Variants in LGSN observed in about 807,000 individuals in gnomAD.
LGSN encodes lengsin, lens protein with glutamine synthetase domain, also known as lengsin.
Under a neutral mutation model 19.5 loss-of-function variants are expected in LGSN, and 21 were observed. That is an observed-to-expected ratio of 1.07 (90% CI 0.76 to 1.55). LGSN has a LOEUF of 1.55. LGSN is among the 40% of genes most tolerant of loss of function. The pLI is 0.00. For synonymous variants in LGSN, 257 were observed against 215.6 expected, an observed-to-expected ratio of 1.19 and a Z score of -1.68; for missense variants, 673 against 608.5, an observed-to-expected ratio of 1.11 and a Z score of -1.12.
the LGSN span, among the ~76,000 whole-genome samples, chr6:63,426,469 C>G: frequency 6.6e-6 from 1 of 151,874 alleles, no homozygotes; most frequent in South Asian, 2.1e-4. Context: ...CTGAGTGTAA[C>G]CCAGGTAACT....
At chr6:63,389,939 C>CAA in the LGSN span, among the ~76,000 whole-genome samples, 3 of 148,830 alleles carry the variant, frequency 2.0e-5, no homozygotes, top group Non-Finnish European at 4.5e-5. Context: ...CCATCCCCCA[C>CAA]AAAAAAAAAT....
chr6:63,336,648 T>C, the LGSN span, among the ~76,000 whole-genome samples: 5 of 151,172 alleles, frequency 3.3e-5, no homozygotes, highest in Admixed American at 6.6e-5. Flanking sequence ...TTTTTTGAAA[T>C]GGACTCTCGT....
At chr6:63,555,894 A>G in the LGSN span, among the ~76,000 whole-genome samples, 2 of 152,040 alleles carry the variant, frequency 1.3e-5, no homozygotes, top group East Asian at 3.9e-4. Flanking sequence ...GGGTTTCGCT[A>G]TGTTGGCCAG....
chr6:63,551,366 G>A, the LGSN span, among the ~76,000 whole-genome samples: 5 of 152,014 alleles, frequency 3.3e-5, no homozygotes, highest in South Asian at 2.1e-4. Context: ...GCACCCAGCC[G>A]CTGTGGGTAA....
the LGSN span, among the ~76,000 whole-genome samples, chr6:63,475,688 T>C: frequency 6.6e-6 from 1 of 152,280 alleles, no homozygotes; most frequent in Admixed American, 6.5e-5. Context: ...GTTTCTAATA[T>C]CTGGGCTAAT....
chr6:63,454,831 G>C, the LGSN span, among the ~76,000 whole-genome samples: 1 of 89,950 alleles, frequency 1.1e-5, no homozygotes, highest in Non-Finnish European at 2.0e-5. Flanking sequence ...GTCTTTGTCT[G>C]TCACCCAGGC....
At chr6:63,394,745 C>G in the LGSN span, among the ~76,000 whole-genome samples, 1 of 152,222 alleles carries the variant, frequency 6.6e-6, no homozygotes, top group South Asian at 2.1e-4. Flanking sequence ...GATCAGGACC[C>G]CTTTCCGGTA....
chr6:63,289,115 CT>C (rs1767667041), intron 2 of LGSN, among the ~76,000 whole-genome samples: 1 of 152,160 alleles, frequency 6.6e-6, no homozygotes, highest in Non-Finnish European at 1.5e-5. Flanking sequence ...CTGCTGTTTT[CT>C]TGGTACTTGT....
At chr6:63,560,295 G>A in the LGSN span, among the ~76,000 whole-genome samples, 3 of 133,224 alleles carry the variant, frequency 2.3e-5, no homozygotes, top group East Asian at 2.2e-4. Flanking sequence ...CTGAGATCAC[G>A]CCATTGCACT....
the LGSN span, among the ~76,000 whole-genome samples, chr6:63,368,779 T>A: frequency 6.6e-6 from 1 of 152,348 alleles, no homozygotes; most frequent in East Asian, 1.9e-4. Context: ...TACTGTTATG[T>A]CCTCTGGAGT....
chr6:63,308,914 C>G (rs1426411915), intron 1 of LGSN, among the ~76,000 whole-genome samples: 1 of 152,148 alleles, frequency 6.6e-6, no homozygotes, highest in Admixed American at 6.5e-5. Flanking sequence ...AGTGTTATTT[C>G]AAAGACTACA....
chr6:63,412,529 G>GAAAGAAGGAAAGAAAGAAAGAAA, the LGSN span, among the ~76,000 whole-genome samples: 61 of 32,362 alleles, frequency 1.9e-3, no homozygotes, highest in Non-Finnish European at 2.3e-3. Context: ...AAAGAAAGAA[G>GAAAGAAGGAAAGAAAGAAAGAAA]GAAAGAAAGA....
chr6:63,421,967 G>C, the LGSN span, among the ~76,000 whole-genome samples: 1 of 152,138 alleles, frequency 6.6e-6, no homozygotes, highest in South Asian at 2.1e-4. Flanking sequence ...ACAAATTCAA[G>C]AAGCTGAGTG....
chr6:63,336,561 G>GTGTATA, the LGSN span, among the ~76,000 whole-genome samples: 376 of 127,560 alleles, frequency 2.9e-3, 5 homozygotes, highest in Admixed American at 0.017. Flanking sequence ...GTGTGTGTGT[G>GTGTATA]TATATATATA....
chr6:63,422,794 AT>A, the LGSN span, among the ~76,000 whole-genome samples: 1 of 152,144 alleles, frequency 6.6e-6, no homozygotes, highest in Non-Finnish European at 1.5e-5. Context: ...GAAAAGAAAA[AT>A]AGAGACACAA....
At chr6:63,436,091 G>A in the LGSN span, among the ~76,000 whole-genome samples, 1 of 151,922 alleles carries the variant, frequency 6.6e-6, no homozygotes, top group Non-Finnish European at 1.5e-5. Context: ...AAGTTCAAAT[G>A]TCATATTCCC....
chr6:63,536,640 C>G, the LGSN span, among the ~76,000 whole-genome samples: 1 of 152,216 alleles, frequency 6.6e-6, no homozygotes, highest in Non-Finnish European at 1.5e-5. Flanking sequence ...ACATTTGTGT[C>G]AGTCGCGATA....
At chr6:63,467,972 G>A in the LGSN span, among the ~76,000 whole-genome samples, 1 of 151,860 alleles carries the variant, frequency 6.6e-6, no homozygotes, top group Admixed American at 6.6e-5. Context: ...AATTACAGAC[G>A]TGAGGCACCG....
At chr6:63,291,761 A>G (rs1022659853) in intron 2 of LGSN, among the ~76,000 whole-genome samples, 2 of 152,182 alleles carry the variant, frequency 1.3e-5, no homozygotes, top group Non-Finnish European at 2.9e-5. Context: ...TCTTTTCGGT[A>G]TCAGTAGGCA....
Sources: allele counts gnomAD v4.1 joint callset (sites outside exome capture counted in the v4.1 genomes callset), GRCh38; gene constraint gnomAD v4.1.1; transcripts MANE v1.5; gene names NCBI Gene and HGNC (gene_info 2026-07-23, HGNC 2026-07-21).